RIT2: variants seen among roughly 807,000 people sequenced by gnomAD.
RIT2 encodes Ras like without CAAX 2, also known as GTP-binding protein Rit2.
In RIT2, 24 loss-of-function variants were observed where a neutral mutation model predicts 23.7. That is an observed-to-expected ratio of 1.01 (90% confidence interval 0.73 to 1.43). RIT2 has a LOEUF of 1.43. Ranked by LOEUF, RIT2 falls within the 40% of genes most tolerant of loss-of-function variation. The pLI, the probability that RIT2 is intolerant of heterozygous loss-of-function variation, is 0.00. For missense variants in RIT2, 236 were observed against 266.9 expected (o/e 0.88, Z 0.81); for synonymous variants, 107 against 91.1 (o/e 1.17, Z -0.99).
chr18:42,750,608 A>G (rs1381959805), intron 4 of RIT2, among the ~76,000 whole-genome samples: 1 of 151,838 alleles, frequency 6.6e-6, no homozygotes, highest in African/African-American at 2.4e-5. Context: ...ATCACATCAA[A>G]TCATGCTTTG....
intron 4 of RIT2, among the ~76,000 whole-genome samples, chr18:42,872,688 T>C (rs1455837035): frequency 6.6e-6 from 1 of 152,142 alleles, no homozygotes; most frequent in African/African-American, 2.4e-5. Flanking sequence ...ATAATACACA[T>C]ATATATTTTT....
intron 4 of RIT2, among the ~76,000 whole-genome samples, chr18:42,744,817 G>A (rs1346249679): frequency 6.6e-6 from 1 of 152,118 alleles, no homozygotes; most frequent in Non-Finnish European, 1.5e-5. Context: ...CCACCATTAT[G>A]GGTAAATAAG....
chr18:43,009,348 T>C (rs1167364123), intron 2 of RIT2, among the ~76,000 whole-genome samples: 1 of 151,738 alleles, frequency 6.6e-6, no homozygotes, highest in Non-Finnish European at 1.5e-5. Flanking sequence ...GGATGGATCA[T>C]TTAAAATAAA....
At chr18:42,930,080 G>T (rs1371857447) in intron 3 of RIT2, among the ~76,000 whole-genome samples, 1 of 152,136 alleles carries the variant, frequency 6.6e-6, no homozygotes, top group African/African-American at 2.4e-5. Context: ...CTCATATAAA[G>T]AGGTGGTATG....
intron 1 of RIT2, among the ~76,000 whole-genome samples, chr18:43,050,726 C>T (rs1013771743): frequency 2.0e-5 from 3 of 151,852 alleles, no homozygotes; most frequent in African/African-American, 7.3e-5. Context: ...CTGCCCAATA[C>T]CTGAGGGAGG....
intron 1 of RIT2, among the ~76,000 whole-genome samples, chr18:43,109,902 C>A (rs993600000): frequency 2.6e-5 from 4 of 152,282 alleles, no homozygotes; most frequent in Admixed American, 6.5e-5. Flanking sequence ...AAGTTCTCAT[C>A]TGACATTGGG....
At chr18:42,985,206 T>C (rs1160549490) in intron 2 of RIT2, among the ~76,000 whole-genome samples, 1 of 152,132 alleles carries the variant, frequency 6.6e-6, no homozygotes, top group African/African-American at 2.4e-5. Context: ...TTCCAAAGAA[T>C]AAATCTTGTA....
At chr18:42,772,630 C>G (rs774200967) in intron 4 of RIT2, among the ~76,000 whole-genome samples, 1 of 152,190 alleles carries the variant, frequency 6.6e-6, no homozygotes, top group Admixed American at 6.5e-5. Flanking sequence ...ACCTATTGTT[C>G]TAATTTTTGC....
chr18:42,777,705 G>C (rs1290277440), intron 4 of RIT2, among the ~76,000 whole-genome samples: 2 of 152,114 alleles, frequency 1.3e-5, no homozygotes, highest in Non-Finnish European at 2.9e-5. Context: ...TTAGACCACA[G>C]TCTTATTTTT....
chr18:43,068,578 T>C (rs1048319475), intron 1 of RIT2, among the ~76,000 whole-genome samples: 26 of 152,144 alleles, frequency 1.7e-4, no homozygotes, highest in African/African-American at 5.6e-4. Context: ...TAGAGAAGGA[T>C]GCAGTGGTCA....
intron 1 of RIT2, among the ~76,000 whole-genome samples, chr18:43,062,158 A>G (rs1912661778): frequency 1.3e-5 from 2 of 152,118 alleles, no homozygotes. Flanking sequence ...AGGGAGGTTT[A>G]CGTGTATTTA....
Position 43,098,853 on chromosome 18 carries a change from C to G in RIT2, c.103+16564G>C, listed in dbSNP as rs540773204. The stretch of plus-strand genomic sequence containing the variant: ...AGGATTTAAATGCTGGTAGCAAGAT[C>G]TCAAATCTTTACTTTTAAGCACATA... On this transcript the variant is annotated intron_variant, in intron 1 of 4. Transcript: ENST00000326695. 5.3e-5 allele frequency among the ~76,000 whole-genome samples: 8 copies of G among 152,062 alleles called. No homozygotes were observed. In the South Asian group the frequency reaches 1.7e-3, roughly 32 times the overall value.
chr18:42,762,152 G>A (rs1257555349), intron 4 of RIT2, among the ~76,000 whole-genome samples: 1 of 152,108 alleles, frequency 6.6e-6, no homozygotes, highest in African/African-American at 2.4e-5. Flanking sequence ...ATATCTTTTA[G>A]CCTTATGCCT....
At chr18:42,969,922 A>G (rs1910323238) in intron 3 of RIT2, among the ~76,000 whole-genome samples, 1 of 152,018 alleles carries the variant, frequency 6.6e-6, no homozygotes, top group Non-Finnish European at 1.5e-5. Context: ...GCAATTTTTA[A>G]TTTAGAGTAT....
At chr18:42,922,964 C>G (rs955969729) in intron 4 of RIT2, among the ~76,000 whole-genome samples, 4 of 152,084 alleles carry the variant, frequency 2.6e-5, no homozygotes, top group Non-Finnish European at 5.9e-5. Context: ...AAATTACCCC[C>G]AAAACATGGT....
chr18:42,953,847 T>A (rs1909910392), intron 3 of RIT2, among the ~76,000 whole-genome samples: 1 of 152,144 alleles, frequency 6.6e-6, no homozygotes, highest in Admixed American at 6.6e-5. Context: ...AGAGACCAGA[T>A]AATATCTAGA....
At chr18:42,875,835 C>G (rs1259973686) in intron 4 of RIT2, among the ~76,000 whole-genome samples, 1 of 151,930 alleles carries the variant, frequency 6.6e-6, no homozygotes, top group East Asian at 1.9e-4. Flanking sequence ...TAACAGAGTT[C>G]TAGGGATACA....
intron 2 of RIT2, among the ~76,000 whole-genome samples, chr18:43,011,750 T>C (rs1288731965): frequency 2.6e-5 from 4 of 151,822 alleles, no homozygotes; most frequent in Non-Finnish European, 5.9e-5. Flanking sequence ...TTCAGTTTGA[T>C]GTGTTCCTAG....
intron 4 of RIT2, among the ~76,000 whole-genome samples, chr18:42,893,711 G>C (rs952661483): frequency 1.3e-5 from 2 of 152,098 alleles, no homozygotes; most frequent in African/African-American, 4.8e-5. Flanking sequence ...ATATGTTCCT[G>C]TTAATATGAA....
Sources: gnomAD v4.1 joint callset for allele counts (sites outside exome capture counted in the v4.1 genomes callset) on GRCh38, gnomAD v4.1.1 for gene constraint, MANE v1.5 for transcripts, NCBI Gene and HGNC (gene_info 2026-07-23, HGNC 2026-07-21) for gene names.